MCTP1: variants seen among roughly 807,000 people sequenced by gnomAD.
MCTP1 encodes the protein multiple C2 and transmembrane domain-containing protein 1.
MCTP1 carries 69 observed loss-of-function variants against 120.6 expected under a neutral mutation model. The ratio of observed to expected loss-of-function variants is 0.57; its 90% CI spans 0.47 to 0.70. MCTP1 has a LOEUF of 0.70. Ranked by LOEUF, MCTP1 falls within the 30% of genes least tolerant of loss-of-function variation. The pLI is 0.00. For missense variants in MCTP1, 1,203 were observed against 1,248.8 expected, an observed-to-expected ratio of 0.96 and a Z score of 0.55; for synonymous variants, 529 against 493.1, an observed-to-expected ratio of 1.07 and a Z score of -0.96.
chr5:95,198,738 C>T (rs1750670982), intron 1 of MCTP1, among the ~76,000 whole-genome samples: 1 of 152,112 alleles, frequency 6.6e-6, no homozygotes, highest in Non-Finnish European at 1.5e-5. Flanking sequence ...GGGAGCAGGA[C>T]ACACACTTTA....
intron 1 of MCTP1, among the ~76,000 whole-genome samples, chr5:95,173,000 T>A (rs1367977280): frequency 6.6e-6 from 1 of 152,166 alleles, no homozygotes; most frequent in Non-Finnish European, 1.5e-5. Context: ...GCCTTTTTTT[T>A]AGGAAAAGAA....
chr5:95,020,179 C>G (rs140807038), intron 1 of MCTP1, among the ~76,000 whole-genome samples: 3 of 152,166 alleles, frequency 2.0e-5, no homozygotes, highest in African/African-American at 7.2e-5. Context: ...AAGGCTCAGA[C>G]AGCTGTATAT....
intron 1 of MCTP1, among the ~76,000 whole-genome samples, chr5:95,165,180 T>C (rs1442986302): frequency 2.0e-5 from 3 of 152,108 alleles, no homozygotes; most frequent in Non-Finnish European, 4.4e-5. Context: ...AACATTTTGG[T>C]GAAAAGTCTG....
chr5:94,765,123 G>A (rs978511919), intron 19 of MCTP1, among the ~76,000 whole-genome samples: 2 of 151,952 alleles, frequency 1.3e-5, no homozygotes, highest in Non-Finnish European at 2.9e-5. Context: ...ATATGGAAAG[G>A]AAACAACATG....
chr5:94,912,904 T>A lies in MCTP1; in HGVS notation c.1423A>T (p.Thr475Ser). 1 of 1,603,444 alleles carries A rather than the reference T, an allele frequency of 6.2e-7. No individual in the cohort carries two copies. Among genetic ancestry groups the A allele is most frequent in the Non-Finnish European group, 8.5e-7 (1 of 1,175,524 alleles). ...SHLWRGIVSI[T>S]LIEGRDLKAM... Reference sequence around the variant, plus strand: ...TTGAGGTCTCTCCCTTCAATCAAGGTGATGCTGACTATTCCTCTCCAAAGA... The same window carrying A: ...TTGAGGTCTCTCCCTTCAATCAAGGAGATGCTGACTATTCCTCTCCAAAGA... Residue 475 changes from threonine (T) to serine (S), a missense_variant, in exon 9 of 23, where the codon ACC becomes TCC. Around this residue, in one of 2 missense-constraint regions of MCTP1, gnomAD observed 740 missense variants for 871.1 expected, o/e 0.85. Coordinates refer to ENST00000515393, the MANE Select transcript of MCTP1 (RefSeq NM_024717.7).
intron 12 of MCTP1, among the ~76,000 whole-genome samples, chr5:94,884,005 G>T (rs1414588933): frequency 6.6e-6 from 1 of 151,968 alleles, no homozygotes; most frequent in Non-Finnish European, 1.5e-5. Context: ...TTCTTTCTCT[G>T]AATAGACCCA....
intron 17 of MCTP1, among the ~76,000 whole-genome samples, chr5:94,819,534 T>A (rs139805735): frequency 1.1e-4 from 16 of 152,196 alleles, no homozygotes; most frequent in African/African-American, 3.6e-4. Context: ...ATTCATAGAT[T>A]TCCTGCCTTC....
intron 17 of MCTP1, among the ~76,000 whole-genome samples, chr5:94,811,207 C>T (rs1580807553): frequency 6.6e-6 from 1 of 152,126 alleles, no homozygotes; most frequent in Non-Finnish European, 1.5e-5. Flanking sequence ...ACCCTTGCTG[C>T]GTAATGTTTA....
At chr5:94,852,622 C>T (rs537175873) in intron 17 of MCTP1, among the ~76,000 whole-genome samples, 2 of 151,950 alleles carry the variant, frequency 1.3e-5, no homozygotes, top group East Asian at 3.9e-4. Context: ...AATTTTAATG[C>T]TCATAGCAAG....
intron 20 of MCTP1, among the ~76,000 whole-genome samples, chr5:94,713,672 T>C (rs1163314934): frequency 6.6e-6 from 1 of 152,120 alleles, no homozygotes; most frequent in Non-Finnish European, 1.5e-5. Flanking sequence ...AATAGTCTTC[T>C]GAAATCCAAG....
At chr5:95,190,721 T>A (rs532897331) in intron 1 of MCTP1, among the ~76,000 whole-genome samples, 1 of 152,170 alleles carries the variant, frequency 6.6e-6, no homozygotes, top group Admixed American at 6.6e-5. Flanking sequence ...AATGAAAGAA[T>A]TCACCTAAAA....
intron 17 of MCTP1, among the ~76,000 whole-genome samples, chr5:94,855,488 T>A (rs1794558783): frequency 6.6e-6 from 1 of 151,860 alleles, no homozygotes; most frequent in African/African-American, 2.4e-5. Context: ...ATTGTTGCTG[T>A]GGTAGGTAAC....
chr5:95,011,633 G>C (rs1346869172), intron 2 of MCTP1, among the ~76,000 whole-genome samples: 1 of 152,014 alleles, frequency 6.6e-6, no homozygotes, highest in Non-Finnish European at 1.5e-5. Context: ...TCTCCAGCCA[G>C]GACATGAAGA....
At chr5:94,786,192 T>C (rs2152965052) in intron 18 of MCTP1, among the ~76,000 whole-genome samples, 1 of 152,274 alleles carries the variant, frequency 6.6e-6, no homozygotes, top group Admixed American at 6.5e-5. Flanking sequence ...TTTTGGGTCA[T>C]AAAGAGGGTG....
chr5:94,745,963 C>T lies in MCTP1; in HGVS notation c.2611-31077G>A, dbSNP rs185030767. ...CATGGTGTTAATATGGCTGCCCCAGCTGTAAGCATTGCATTCACATTCAAA... is the reference window on the plus strand; with the variant it reads ...CATGGTGTTAATATGGCTGCCCCAGTTGTAAGCATTGCATTCACATTCAAA... On this transcript the variant is annotated intron_variant, in intron 19 of 22. Transcript: ENST00000515393. 9.8e-5 allele frequency among the ~76,000 whole-genome samples: 15 copies of T among 152,292 alleles called. 1 individual carries two copies. The East Asian group carries it at 2.9e-3, about 29-fold the overall frequency.
At chr5:95,194,233 G>T (rs1750136274) in intron 1 of MCTP1, among the ~76,000 whole-genome samples, 4 of 151,776 alleles carry the variant, frequency 2.6e-5, no homozygotes, top group Non-Finnish European at 1.5e-5. Context: ...AAAAAGAAAA[G>T]AAATGAAAAG....
intron 1 of MCTP1, among the ~76,000 whole-genome samples, chr5:95,218,234 T>C (rs902597478): frequency 6.6e-6 from 1 of 152,192 alleles, no homozygotes; most frequent in Non-Finnish European, 1.5e-5. Context: ...CATGATACAA[T>C]AGGTTACAAG....
At position 95,017,561 on chromosome 5, in the gene MCTP1, C is replaced by T. The variant is rs1356871402; in HGVS notation, c.721-77G>A. The T allele has an allele frequency of 1.6e-5, 10 of 613,620 alleles. No individual in the cohort carries two copies. The South Asian group carries it at 3.4e-4, about 21-fold the overall frequency. The allele number at this position is 613,620 out of a possible 1,614,324, so 38.0% of individuals were successfully genotyped here. A position where few individuals can be genotyped will look rare whatever the true frequency, so the allele number is the denominator to read the frequency against. On this transcript the variant is annotated intron_variant, in intron 1 of 22. Transcript: ENST00000515393. ...TTCTCTAAAGGGGGACCATATATAGCTTAACCCAAATTATAAGAATTAGTC... is the reference window on the plus strand; with the variant it reads ...TTCTCTAAAGGGGGACCATATATAGTTTAACCCAAATTATAAGAATTAGTC...
intron 20 of MCTP1, among the ~76,000 whole-genome samples, chr5:94,711,523 C>T (rs1312371938): frequency 6.6e-6 from 1 of 152,084 alleles, no homozygotes; most frequent in Non-Finnish European, 1.5e-5. Flanking sequence ...CCTCTTACTG[C>T]CCTTCTTCCC....
Sources: gnomAD v4.1 joint callset for allele counts (sites outside exome capture counted in the v4.1 genomes callset) on GRCh38, gnomAD v4.1.1 for gene constraint, gnomAD v4.1.1 regional missense constraint, MANE v1.5 for transcripts, NCBI Gene and HGNC (gene_info 2026-07-23, HGNC 2026-07-21) for gene names.